The following SHISA9 variants were observed in gnomAD, a reference collection of about 807,000 sequenced individuals.
SHISA9 encodes protein shisa-9.
In SHISA9, 13 loss-of-function variants were observed where a neutral mutation model predicts 38.0. The observed-to-expected ratio is 0.34, with a 90% CI of 0.22 to 0.54. The LOEUF (loss-of-function observed/expected upper bound fraction) is 0.54. Among genes scored for constraint, SHISA9 ranks in the 20% least tolerant of loss-of-function variants. The probability of loss-of-function intolerance (pLI) is 0.91; values close to 1 mark genes in which losing one functional copy is unlikely to be tolerated. For synonymous variants in SHISA9, 275 were observed against 242.0 expected, an observed-to-expected ratio of 1.14 and a Z score of -1.27; for missense variants, 538 against 575.8, an observed-to-expected ratio of 0.93 and a Z score of 0.67.
chr16:12,908,446 CGTT>C, intron 1 of SHISA9: 1 of 1,550,356 alleles, frequency 6.5e-7, no homozygotes, highest in South Asian at 1.2e-5. Flanking sequence ...TGTAAATTCT[CGTT>C]TAATTTCATA....
At chr16:13,275,122 CA>C in the SHISA9 span, among the ~76,000 whole-genome samples, 1 of 152,158 alleles carries the variant, frequency 6.6e-6, no homozygotes, top group South Asian at 2.1e-4. Flanking sequence ...AAAGACCTCA[CA>C]GGGCTACTGT....
At chr16:13,307,714 T>G in the SHISA9 span, among the ~76,000 whole-genome samples, 1 of 152,226 alleles carries the variant, frequency 6.6e-6, no homozygotes, top group African/African-American at 2.4e-5. Context: ...TTTCTCCTTA[T>G]AGGAATCAAT....
chr16:13,264,474 T>A, the SHISA9 span, among the ~76,000 whole-genome samples: 76 of 152,210 alleles, frequency 5.0e-4, no homozygotes, highest in African/African-American at 1.8e-3. Flanking sequence ...TGCTGGCCTG[T>A]TTTAAATCTT....
the SHISA9 span, among the ~76,000 whole-genome samples, chr16:13,469,593 T>A: frequency 6.6e-6 from 1 of 152,164 alleles, no homozygotes; most frequent in Non-Finnish European, 1.5e-5. Flanking sequence ...TGACTCTGGC[T>A]CTTGTTCTCA....
chr16:13,131,665 C>G (rs1217616788), intron 2 of SHISA9, among the ~76,000 whole-genome samples: 1 of 152,152 alleles, frequency 6.6e-6, no homozygotes, highest in African/African-American at 2.4e-5. Context: ...AAGCAGGTGA[C>G]AGCCATATTT....
intron 2 of SHISA9, among the ~76,000 whole-genome samples, chr16:13,198,953 G>A (rs2050977196): frequency 6.6e-6 from 1 of 152,170 alleles, no homozygotes; most frequent in Non-Finnish European, 1.5e-5. Context: ...TGCCCCTGAG[G>A]TGTCTCAGGA....
intron 3 of SHISA9, among the ~76,000 whole-genome samples, chr16:13,205,831 G>A (rs549184290): frequency 2.0e-5 from 3 of 152,034 alleles, no homozygotes; most frequent in Non-Finnish European, 2.9e-5. Flanking sequence ...GCACGATATC[G>A]GTTCACTGCA....
the SHISA9 span, among the ~76,000 whole-genome samples, chr16:13,270,024 C>G: frequency 2.0e-5 from 3 of 152,154 alleles, no homozygotes; most frequent in South Asian, 6.2e-4. Flanking sequence ...TATAATTACT[C>G]TACCTGCCAC....
the SHISA9 span, among the ~76,000 whole-genome samples, chr16:13,473,937 T>G: frequency 6.6e-6 from 1 of 152,198 alleles, no homozygotes; most frequent in Non-Finnish European, 1.5e-5. Context: ...TATTGTGTAA[T>G]ACCAGATAGT....
the SHISA9 span, among the ~76,000 whole-genome samples, chr16:13,463,350 C>T: frequency 8.9e-3 from 1,355 of 152,220 alleles, 3 homozygotes; most frequent in Middle Eastern, 0.017. Context: ...GGAGAGGCAG[C>T]GTGCAGGTGG....
At chr16:13,509,386 A>C in the SHISA9 span, among the ~76,000 whole-genome samples, 83,352 of 151,988 alleles carry the variant, frequency 0.55, 22,891 homozygotes, top group Middle Eastern at 0.6. Flanking sequence ...GATTCAAAGC[A>C]TGCCTCCATT....
intron 2 of SHISA9, among the ~76,000 whole-genome samples, chr16:12,936,607 G>A (rs2071536767): frequency 6.6e-6 from 1 of 152,172 alleles, no homozygotes; most frequent in African/African-American, 2.4e-5. Context: ...CACTTCCCAC[G>A]AGCTTCTCCA....
At chr16:13,509,775 C>T in the SHISA9 span, among the ~76,000 whole-genome samples, 1 of 152,204 alleles carries the variant, frequency 6.6e-6, no homozygotes, top group Middle Eastern at 3.4e-3. Context: ...TTAATTTTTA[C>T]CGACTACTTT....
At chr16:13,143,922 A>G (rs2141998534) in intron 2 of SHISA9, among the ~76,000 whole-genome samples, 1 of 152,262 alleles carries the variant, frequency 6.6e-6, no homozygotes, top group South Asian at 2.1e-4. Flanking sequence ...ATTAGGACTT[A>G]TTTTATCCCC....
At chr16:13,047,969 A>G (rs2073206525) in intron 2 of SHISA9, among the ~76,000 whole-genome samples, 1 of 152,200 alleles carries the variant, frequency 6.6e-6, no homozygotes, top group Non-Finnish European at 1.5e-5. Flanking sequence ...AGTATGATTC[A>G]GGCCCTGTCC....
chr16:13,173,852 A>C (rs960899735), intron 2 of SHISA9, among the ~76,000 whole-genome samples: 8 of 152,208 alleles, frequency 5.3e-5, no homozygotes, highest in African/African-American at 1.9e-4. Context: ...GTGGTTGAGC[A>C]TCTCACCCAG....
At chr16:12,988,399 G>T (rs1596567128) in intron 2 of SHISA9, among the ~76,000 whole-genome samples, 1 of 152,150 alleles carries the variant, frequency 6.6e-6, no homozygotes, top group Non-Finnish European at 1.5e-5. Flanking sequence ...TTTCTGCCCA[G>T]TGCCAAACCT....
In SHISA9 at chr16:13,102,950, C is replaced by A. The variant is rs116829973; in HGVS notation, c.692-100444C>A. Reference sequence around the variant, plus strand: ...GGTTGGCAGAGGGAGGCGGCACTTCCTCATAGGCTATGCATATAGAAATAC... The same window carrying A: ...GGTTGGCAGAGGGAGGCGGCACTTCATCATAGGCTATGCATATAGAAATAC... On this transcript the variant is annotated intron_variant, in intron 2 of 4. Transcript: ENST00000558583. 4.4e-3 allele frequency among the ~76,000 whole-genome samples: 668 copies of A among 152,328 alleles called. 2 individuals are homozygous for A. Among genetic ancestry groups the A allele is most frequent in the African/African-American group, 0.016 (649 of 41,570 alleles).
intron 2 of SHISA9, among the ~76,000 whole-genome samples, chr16:13,196,369 C>T (rs1488341632): frequency 1.4e-5 from 2 of 143,062 alleles, no homozygotes; most frequent in East Asian, 2.1e-4. Flanking sequence ...TGCACTCCAG[C>T]CTGGGCGACA....
Sources: allele counts gnomAD v4.1 joint callset (sites outside exome capture counted in the v4.1 genomes callset), GRCh38; gene constraint gnomAD v4.1.1; transcripts MANE v1.5; gene names NCBI Gene and HGNC (gene_info 2026-07-23, HGNC 2026-07-21).